The following NMNAT2 variants were observed in gnomAD, a reference collection of about 807,000 sequenced individuals.
NMNAT2 encodes nicotinamide nucleotide adenylyltransferase 2.
A neutral mutation model predicts 41.6 loss-of-function variants in NMNAT2; 11 were observed. The observed-to-expected ratio is 0.26, with a 90% CI of 0.17 to 0.44. The LOEUF is 0.44. Among genes scored for constraint, NMNAT2 ranks in the 20% least tolerant of loss-of-function variants. The pLI is 1.00. For synonymous variants in NMNAT2, 148 were observed against 151.2 expected (o/e 0.98, Z 0.16); for missense variants, 288 against 407.7 (o/e 0.71, Z 2.53).
At chr1:183,268,037 C>G (rs1466740968) in intron 8 of NMNAT2, among the ~76,000 whole-genome samples, 1 of 152,038 alleles carries the variant, frequency 6.6e-6, no homozygotes, top group African/African-American at 2.4e-5. Context: ...TTTTCATCTT[C>G]TGGTCAAAGG....
At chr1:183,350,719 C>T (rs1356016300) in intron 1 of NMNAT2, among the ~76,000 whole-genome samples, 1 of 152,234 alleles carries the variant, frequency 6.6e-6, no homozygotes, top group African/African-American at 2.4e-5. Flanking sequence ...TAATAATTTC[C>T]ATTTGTTGTA....
At chr1:183,307,955 G>A (rs1662033465) in intron 1 of NMNAT2, among the ~76,000 whole-genome samples, 1 of 152,196 alleles carries the variant, frequency 6.6e-6, no homozygotes, top group African/African-American at 2.4e-5. Context: ...GGCAGATTTC[G>A]ACGGACTTTA....
intron 1 of NMNAT2, among the ~76,000 whole-genome samples, chr1:183,294,635 C>G (rs993848331): frequency 6.6e-6 from 1 of 152,100 alleles, no homozygotes; most frequent in Non-Finnish European, 1.5e-5. Flanking sequence ...ACTAAAAATA[C>G]AAAACTTAGC....
chr1:183,263,759 G>C (rs1361686766), intron 8 of NMNAT2, among the ~76,000 whole-genome samples: 1 of 152,214 alleles, frequency 6.6e-6, no homozygotes, highest in East Asian at 1.9e-4. Flanking sequence ...AGTGAGCTGA[G>C]ATCGCGCCAC....
At chr1:183,329,337 C>G (rs994125589) in intron 1 of NMNAT2, among the ~76,000 whole-genome samples, 1 of 152,076 alleles carries the variant, frequency 6.6e-6, no homozygotes, top group Non-Finnish European at 1.5e-5. Flanking sequence ...AGTCATATAT[C>G]TTAGCATTGA....
chr1:183,303,989 G>A (rs890574680), intron 1 of NMNAT2, among the ~76,000 whole-genome samples: 4 of 152,358 alleles, frequency 2.6e-5, no homozygotes, highest in Admixed American at 2.6e-4. Flanking sequence ...GGCGGAGAAT[G>A]TGGGTACACC....
At chr1:183,380,508 A>G (rs998779086) in intron 1 of NMNAT2, among the ~76,000 whole-genome samples, 21 of 152,230 alleles carry the variant, frequency 1.4e-4, no homozygotes, top group African/African-American at 5.1e-4. Flanking sequence ...ATAAGTAAAC[A>G]TAAATATCAT....
chr1:183,375,971 CT>C (rs1663669543), intron 1 of NMNAT2, among the ~76,000 whole-genome samples: 1 of 151,784 alleles, frequency 6.6e-6, no homozygotes, highest in South Asian at 2.1e-4. Flanking sequence ...CCCACCACAT[CT>C]GAAAAGAAAC....
intron 1 of NMNAT2, among the ~76,000 whole-genome samples, chr1:183,331,356 GC>G (rs553084886): frequency 6.0e-4 from 91 of 152,296 alleles, no homozygotes; most frequent in African/African-American, 2.1e-3. Flanking sequence ...CTGACGGGAG[GC>G]GAGGCGAGGC....
At chr1:183,314,753 C>T (rs962191945) in intron 1 of NMNAT2, among the ~76,000 whole-genome samples, 2 of 152,142 alleles carry the variant, frequency 1.3e-5, no homozygotes, top group East Asian at 1.9e-4. Context: ...GTGGCTCATA[C>T]GTATAATCTC....
At chr1:183,266,074 T>C (rs1396900540) in intron 8 of NMNAT2, among the ~76,000 whole-genome samples, 1 of 152,140 alleles carries the variant, frequency 6.6e-6, no homozygotes, top group Non-Finnish European at 1.5e-5. Flanking sequence ...AAACCAATTT[T>C]CCCCTAGATT....
At chr1:183,396,022 G>T (rs942448717) in intron 1 of NMNAT2, among the ~76,000 whole-genome samples, 5 of 152,098 alleles carry the variant, frequency 3.3e-5, no homozygotes, top group Admixed American at 6.5e-5. Context: ...CTCTGGCTTT[G>T]TCCATGGGTC....
At chr1:183,403,998 T>C (rs1648887045) in intron 1 of NMNAT2, among the ~76,000 whole-genome samples, 1 of 152,198 alleles carries the variant, frequency 6.6e-6, no homozygotes, top group Non-Finnish European at 1.5e-5. Flanking sequence ...GTCCCTATTT[T>C]TGTTCATCAA....
chr1:183,349,700 A>G (rs1353136048), intron 1 of NMNAT2, among the ~76,000 whole-genome samples: 1 of 152,220 alleles, frequency 6.6e-6, no homozygotes, highest in Non-Finnish European at 1.5e-5. Flanking sequence ...AGAAGGTAAA[A>G]GCCAAAGGAG....
At chr1:183,313,205 A>C (rs1302350982) in intron 1 of NMNAT2, among the ~76,000 whole-genome samples, 1 of 152,008 alleles carries the variant, frequency 6.6e-6, no homozygotes, top group Non-Finnish European at 1.5e-5. Context: ...CATTTCTTGT[A>C]AGGTTGTTAA....
intron 1 of NMNAT2, among the ~76,000 whole-genome samples, chr1:183,335,553 C>G (rs1332256516): frequency 1.3e-5 from 2 of 152,190 alleles, no homozygotes; most frequent in African/African-American, 2.4e-5. Flanking sequence ...ATCTTCAGTT[C>G]CAGCTTGGCT....
rs574260029 is a variant in NMNAT2, at chr1:183,378,381, G to A, written c.85+39802C>T. ...TGCACTCCAGCCTGGGCAACAGAGG[G>A]AGACTCCATTAAAAAAAAAAAAAAT... On this transcript the variant is annotated intron_variant, in intron 1 of 10. Transcript: ENST00000287713. Among the ~76,000 whole-genome samples the A allele has an allele frequency of 2.6e-3, 390 of 149,032 alleles. 1 individual carries two copies. The highest frequency in any genetic ancestry group is 9.5e-3 in the African/African-American group (381 of 40,274).
chr1:183,369,391 C>G (rs1360934521), intron 1 of NMNAT2, among the ~76,000 whole-genome samples: 1 of 151,866 alleles, frequency 6.6e-6, no homozygotes, highest in Non-Finnish European at 1.5e-5. Context: ...ATTCTCCTGC[C>G]TCAGCCTCCC....
chr1:183,414,466 A>G (rs775257694), intron 1 of NMNAT2, among the ~76,000 whole-genome samples: 1 of 152,226 alleles, frequency 6.6e-6, no homozygotes, highest in Non-Finnish European at 1.5e-5. Context: ...GCTACATTAA[A>G]TTATAATCTC....
Sources: gnomAD v4.1 joint callset for allele counts (sites outside exome capture counted in the v4.1 genomes callset) on GRCh38, gnomAD v4.1.1 for gene constraint, MANE v1.5 for transcripts, NCBI Gene and HGNC (gene_info 2026-07-23, HGNC 2026-07-21) for gene names.